The following SLC41A2 variants were observed in gnomAD, a reference collection of about 807,000 sequenced individuals.
SLC41A2 encodes solute carrier family 41 member 2.
Under a neutral mutation model 58.3 loss-of-function variants are expected in SLC41A2, and 32 were observed. The observed-to-expected ratio is 0.55, with a 90% CI of 0.41 to 0.74. The LOEUF is 0.74. Among genes scored for constraint, SLC41A2 ranks in the 30% least tolerant of loss-of-function variants. The pLI is 0.00. For missense variants in SLC41A2, 514 were observed against 680.6 expected (o/e 0.76, Z 2.72); for synonymous variants, 190 against 235.0 (o/e 0.81, Z 1.75).
intron 10 of SLC41A2, among the ~76,000 whole-genome samples, chr12:104,817,963 TAA>T (rs1379710666): frequency 6.6e-6 from 1 of 152,134 alleles, no homozygotes; most frequent in Non-Finnish European, 1.5e-5. Flanking sequence ...TGAAAATTGT[TAA>T]AAGAGTAGAT....
chr12:104,912,536 C>T (rs1041516779), intron 2 of SLC41A2, among the ~76,000 whole-genome samples: 1 of 152,198 alleles, frequency 6.6e-6, no homozygotes, highest in Non-Finnish European at 1.5e-5. Flanking sequence ...TGAGGGAGCA[C>T]ACAGGGAGGG....
chr12:104,868,858 A>G lies in SLC41A2; in HGVS notation c.1028-2279T>C, dbSNP rs1427091271. ...TGACAACGTGATGAACCTTGAAAAC[A>G]TTATGCTAAGTGAAAGATGCCAGAC... is the stretch of plus-strand genomic sequence containing the variant. On this transcript the variant is annotated intron_variant, in intron 6 of 10. Coordinates refer to ENST00000258538, the MANE Select transcript of SLC41A2 (RefSeq NM_001352171.3). Among the ~76,000 whole-genome samples the G allele has an allele frequency of 4.6e-5, 7 of 152,326 alleles. No individual in the cohort carries two copies. In the East Asian group the frequency reaches 1.3e-3, roughly 29 times the overall value.
At chr12:104,907,594 A>G (rs979533142) in intron 3 of SLC41A2, among the ~76,000 whole-genome samples, 2 of 152,210 alleles carry the variant, frequency 1.3e-5, no homozygotes, top group Non-Finnish European at 2.9e-5. Context: ...TACATGGGGA[A>G]GCTATTAGGT....
At chr12:104,833,306 A>G (rs921251511) in intron 10 of SLC41A2, among the ~76,000 whole-genome samples, 4 of 152,202 alleles carry the variant, frequency 2.6e-5, no homozygotes, top group Admixed American at 1.3e-4. Flanking sequence ...GAACTAATCA[A>G]TTCCATTAAA....
chr12:104,956,471 G>A (rs563435566), intron 1 of SLC41A2, among the ~76,000 whole-genome samples: 3 of 152,264 alleles, frequency 2.0e-5, no homozygotes, highest in South Asian at 2.1e-4. Context: ...TTGAATTCAG[G>A]AGTTGGAGAC....
At chr12:104,880,154 CA>C (rs2135595103) in intron 6 of SLC41A2, among the ~76,000 whole-genome samples, 1 of 152,148 alleles carries the variant, frequency 6.6e-6, no homozygotes, top group African/African-American at 2.4e-5. Context: ...GTGATTTTTG[CA>C]CATTGATTTT....
At chr12:104,875,811 A>C (rs910154503) in intron 6 of SLC41A2, among the ~76,000 whole-genome samples, 25 of 152,188 alleles carry the variant, frequency 1.6e-4, no homozygotes, top group African/African-American at 5.5e-4. Flanking sequence ...AAAACTAAAA[A>C]TAAAAATAAA....
At chr12:104,854,831 A>T (rs1307515729) in intron 8 of SLC41A2, among the ~76,000 whole-genome samples, 3 of 152,152 alleles carry the variant, frequency 2.0e-5, no homozygotes, top group African/African-American at 4.8e-5. Flanking sequence ...GGGACAACTG[A>T]GGCTGTCAGT....
rs1190067223 is a variant in SLC41A2 at position 104,909,704 on chromosome 12, C to T, written c.614G>A (p.Gly205Asp). Residue 205 changes from glycine to aspartate, a missense_variant, in exon 3 of 11, where the codon GGT (glycine) becomes GAT (aspartate). This residue lies in a region of SLC41A2 where 336 missense variants were observed against 430.0 expected (regional missense o/e 0.78). Coordinates refer to ENST00000258538, the MANE Select transcript of SLC41A2 (RefSeq NM_001352171.3). ...EVFILVPALL[G>D]LKGNLEMTLA... ...TGTCATTTCCAAGTTCCCTTTGAGA[C>T]CAAGAAGTGCAGGGACTAAAATGAA... is the stretch of plus-strand genomic sequence containing the variant. The T allele has an allele frequency of 1.2e-6, 2 of 1,612,146 alleles. No individual in the cohort carries two copies. The highest frequency in any genetic ancestry group is 1.7e-6 in the Non-Finnish European group (2 of 1,179,360).
chr12:104,935,049 C>T (rs548854448), intron 1 of SLC41A2, among the ~76,000 whole-genome samples: 37 of 152,272 alleles, frequency 2.4e-4, no homozygotes, highest in South Asian at 1.2e-3. Flanking sequence ...CCTCCGCCTC[C>T]CAGGTTCAAG....
At chr12:104,899,438 C>T (rs1241125123) in intron 3 of SLC41A2, among the ~76,000 whole-genome samples, 1 of 152,160 alleles carries the variant, frequency 6.6e-6, no homozygotes, top group Non-Finnish European at 1.5e-5. Flanking sequence ...GTGATGATAA[C>T]TGAGCTTTCA....
At position 104,831,440 on chromosome 12, in the gene SLC41A2, T is replaced by A. The variant is rs189405461; in HGVS notation, c.1536+13032A>T. On this transcript the variant is annotated intron_variant, in intron 10 of 10. Coordinates refer to ENST00000258538, the MANE Select transcript of SLC41A2 (RefSeq NM_001352171.3). ...AAAATACCCACAGTCATGCTCCAAA[T>A]AATGACATTTCTGTTAACAATGGAC... is the stretch of plus-strand genomic sequence containing the variant. Among the ~76,000 whole-genome samples, 9 of 152,292 alleles carry A rather than the reference T, an allele frequency of 5.9e-5. No homozygotes were observed. In the South Asian group the frequency reaches 8.3e-4, roughly 14 times the overall value.
intron 3 of SLC41A2, among the ~76,000 whole-genome samples, chr12:104,897,922 T>C (rs1315614746): frequency 6.6e-6 from 1 of 152,174 alleles, no homozygotes; most frequent in Non-Finnish European, 1.5e-5. Context: ...TCTAAGTTTT[T>C]TCTAAAGTGG....
intron 10 of SLC41A2, among the ~76,000 whole-genome samples, chr12:104,839,287 T>C (rs550815263): frequency 1.3e-5 from 2 of 152,266 alleles, no homozygotes; most frequent in Admixed American, 6.5e-5. Context: ...TGGGATACTT[T>C]ATAGCAGAAA....
chr12:104,862,375 C>G lies in SLC41A2; in HGVS notation c.1176-1005G>C, dbSNP rs542507398. 8.5e-5 allele frequency among the ~76,000 whole-genome samples: 13 copies of G among 152,120 alleles called. No individual in the cohort carries two copies. The South Asian group carries it at 2.1e-3, about 24-fold the overall frequency. On this transcript the variant is annotated intron_variant, in intron 7 of 10. Coordinates refer to ENST00000258538, the MANE Select transcript of SLC41A2 (RefSeq NM_001352171.3). ...TTTAGAAATATTTTAACATTTTAAGCCCTAATTAAAAGAATAAAGTACATA... is the reference window on the plus strand; with the variant it reads ...TTTAGAAATATTTTAACATTTTAAGGCCTAATTAAAAGAATAAAGTACATA...
At chr12:104,879,166 T>G (rs971377247) in intron 6 of SLC41A2, among the ~76,000 whole-genome samples, 11 of 152,242 alleles carry the variant, frequency 7.2e-5, no homozygotes, top group African/African-American at 2.7e-4. Context: ...GTTGTTTGAT[T>G]TTTTTCTTGT....
chr12:104,805,607 T>C (rs1328011541), intron 10 of SLC41A2, among the ~76,000 whole-genome samples: 2 of 152,240 alleles, frequency 1.3e-5, no homozygotes, highest in South Asian at 2.1e-4. Flanking sequence ...ATTTGGATAT[T>C]TTAATAGCAC....
At chr12:104,922,481 T>TAA (rs1460481403) in intron 2 of SLC41A2, among the ~76,000 whole-genome samples, 1 of 152,004 alleles carries the variant, frequency 6.6e-6, no homozygotes, top group Non-Finnish European at 1.5e-5. Flanking sequence ...CAATTGTATA[T>TAA]ATATATATAT....
chr12:104,855,589 G>T (rs948812135), intron 8 of SLC41A2, among the ~76,000 whole-genome samples: 1 of 152,014 alleles, frequency 6.6e-6, no homozygotes. Context: ...ACATTCTATT[G>T]TAAGACTGTA....
Sources: gnomAD v4.1 joint callset for allele counts (sites outside exome capture counted in the v4.1 genomes callset) on GRCh38, gnomAD v4.1.1 for gene constraint, gnomAD v4.1.1 regional missense constraint, MANE v1.5 for transcripts, NCBI Gene and HGNC (gene_info 2026-07-23, HGNC 2026-07-21) for gene names.